Variants in MALRD1 observed in about 807,000 individuals in gnomAD.
MALRD1 encodes the protein MAM and LDL-receptor class A domain-containing protein 1.
MALRD1 carries 247 observed loss-of-function variants against 242.1 expected under a neutral mutation model. The ratio of observed to expected loss-of-function variants is 1.02; its 90% CI spans 0.92 to 1.13. The LOEUF (loss-of-function observed/expected upper bound fraction) is 1.13. Ranked by LOEUF, MALRD1 falls within the 50% of genes most tolerant of loss-of-function variation. The pLI, the probability that MALRD1 is intolerant of heterozygous loss-of-function variation, is 0.00. For synonymous variants in MALRD1, 995 were observed against 866.6 expected (o/e 1.15, Z -2.60); for missense variants, 2,989 against 2,533.1 (o/e 1.18, Z -3.86).
intron 18 of MALRD1, among the ~76,000 whole-genome samples, chr10:19,221,856 G>A (rs980628832): frequency 4.2e-4 from 64 of 151,870 alleles, no homozygotes; most frequent in Admixed American, 3.9e-3. Context: ...TATAACCTAC[G>A]TTGAAAAGAA....
chr10:19,064,322 A>T (rs1016220068), intron 1 of MALRD1, among the ~76,000 whole-genome samples: 1 of 152,206 alleles, frequency 6.6e-6, no homozygotes, highest in Non-Finnish European at 1.5e-5. Context: ...ATTTTATTAC[A>T]GCGGATAGTT....
chr10:19,595,794 A>T (rs1404691057), intron 34 of MALRD1, among the ~76,000 whole-genome samples: 1 of 152,168 alleles, frequency 6.6e-6, no homozygotes, highest in Non-Finnish European at 1.5e-5. Context: ...ATTTCTTCCT[A>T]CCATAAAGGT....
At chr10:19,364,927 G>A (rs975509143) in intron 26 of MALRD1, among the ~76,000 whole-genome samples, 2 of 152,042 alleles carry the variant, frequency 1.3e-5, no homozygotes, top group African/African-American at 4.8e-5. Flanking sequence ...AAAGAATATT[G>A]GGGATTAGCA....
rs930178301 is a variant in MALRD1, at chr10:19,301,429, C to T, written c.3419+18248C>T. Among the ~76,000 whole-genome samples, 4 of 151,864 alleles carry T rather than the reference C, an allele frequency of 2.6e-5. No individual in the cohort carries two copies. The East Asian group carries it at 5.8e-4, about 22-fold the overall frequency. On this transcript the variant is annotated intron_variant, in intron 21 of 39. Transcript: ENST00000454679. ...TGCACTACATGTGTGTTCATGGCAG[C>T]GCTGTTCACAATAACAAAGACATGG...
At chr10:19,378,997 G>T (rs1180966127) in intron 26 of MALRD1, among the ~76,000 whole-genome samples, 1 of 151,986 alleles carries the variant, frequency 6.6e-6, no homozygotes, top group Non-Finnish European at 1.5e-5. Flanking sequence ...TTGTAGGGCT[G>T]TTCACCTTTT....
chr10:19,087,071 T>A (rs1835693461), intron 2 of MALRD1, among the ~76,000 whole-genome samples: 1 of 152,078 alleles, frequency 6.6e-6, no homozygotes, highest in South Asian at 2.1e-4. Context: ...TATCTGTATT[T>A]TACTGTCTGC....
chr10:19,401,578 A>G (rs765646266), intron 28 of MALRD1, among the ~76,000 whole-genome samples: 2 of 152,182 alleles, frequency 1.3e-5, no homozygotes, highest in Non-Finnish European at 1.5e-5. Flanking sequence ...ATTTCAACTT[A>G]GTTGCTAGAT....
intron 33 of MALRD1, among the ~76,000 whole-genome samples, chr10:19,590,342 A>C (rs1227836271): frequency 6.8e-6 from 1 of 147,362 alleles, no homozygotes; most frequent in African/African-American, 2.5e-5. Context: ...ATATATGTAC[A>C]TATTTTATAT....
chr10:19,598,993 A>ATTT lies in MALRD1; in HGVS notation c.5944+3536_5944+3537insTTT, dbSNP rs1430958658. ...AAAAAATATAAATTGGAAAAAGCCA[A>ATTT]AAAAGTGGTTTTTGGGATTTTGGAG... is the stretch of plus-strand genomic sequence containing the variant. On this transcript the variant is annotated intron_variant, in intron 34 of 39. Coordinates refer to ENST00000454679, the MANE Select transcript of MALRD1 (RefSeq NM_001142308.3). 1.9e-3 allele frequency among the ~76,000 whole-genome samples: 289 copies of ATTT among 152,272 alleles called. 2 individuals are homozygous for ATTT. Among genetic ancestry groups the ATTT allele is most frequent in the African/African-American group, 6.7e-3 (278 of 41,544 alleles).
intron 28 of MALRD1, among the ~76,000 whole-genome samples, chr10:19,398,984 G>T (rs1451967783): frequency 6.6e-6 from 1 of 152,196 alleles, no homozygotes; most frequent in Non-Finnish European, 1.5e-5. Context: ...GGCTGCTCGT[G>T]AATTAATATA....
intron 21 of MALRD1, among the ~76,000 whole-genome samples, chr10:19,320,274 T>C (rs533008734): frequency 1.3e-5 from 2 of 152,058 alleles, no homozygotes; most frequent in Admixed American, 1.3e-4. Flanking sequence ...CCTGTGTCCA[T>C]GTGTTCTCAT....
intron 17 of MALRD1, among the ~76,000 whole-genome samples, chr10:19,205,657 C>A (rs16918351): frequency 0.016 from 2,458 of 152,012 alleles, 68 homozygotes; most frequent in African/African-American, 0.056. Flanking sequence ...TAGATCAGAT[C>A]TAAAAAAATC....
chr10:19,557,461 A>G (rs1010780953), intron 32 of MALRD1, among the ~76,000 whole-genome samples: 2 of 151,742 alleles, frequency 1.3e-5, no homozygotes, highest in Non-Finnish European at 2.9e-5. Flanking sequence ...AATTTTGGTA[A>G]CACATGTATA....
At chr10:19,354,335 G>T (rs972392232) in intron 26 of MALRD1, among the ~76,000 whole-genome samples, 15 of 151,986 alleles carry the variant, frequency 9.9e-5, no homozygotes, top group Admixed American at 3.3e-4. Flanking sequence ...TTAAAAAATT[G>T]CTCTTAAAAA....
At chr10:19,608,406 T>C (rs879740181) in intron 35 of MALRD1, among the ~76,000 whole-genome samples, 1 of 152,100 alleles carries the variant, frequency 6.6e-6, no homozygotes, top group Non-Finnish European at 1.5e-5. Flanking sequence ...GTATACAGCA[T>C]AGGAACTGAC....
At chr10:19,221,214 A>T (rs1365581929) in intron 18 of MALRD1, among the ~76,000 whole-genome samples, 2 of 152,136 alleles carry the variant, frequency 1.3e-5, no homozygotes, top group African/African-American at 4.8e-5. Flanking sequence ...ACTTCTAGTA[A>T]TAAAATGTTT....
intron 14 of MALRD1, among the ~76,000 whole-genome samples, chr10:19,175,700 A>C (rs1835202636): frequency 6.6e-6 from 1 of 152,066 alleles, no homozygotes. Context: ...AATAATATTC[A>C]TATTTCAGGA....
intron 28 of MALRD1, among the ~76,000 whole-genome samples, chr10:19,440,864 T>C (rs1312181417): frequency 2.0e-5 from 3 of 152,194 alleles, no homozygotes; most frequent in East Asian, 1.9e-4. Flanking sequence ...TACCCAGTAA[T>C]AGGATGGCTG....
At chr10:19,215,907 T>C (rs1837292587) in intron 18 of MALRD1, among the ~76,000 whole-genome samples, 1 of 151,532 alleles carries the variant, frequency 6.6e-6, no homozygotes, top group African/African-American at 2.4e-5. Flanking sequence ...TTTGCATAGT[T>C]TTTTTTCATA....
Sources: gnomAD v4.1 joint callset for allele counts (sites outside exome capture counted in the v4.1 genomes callset) on GRCh38, gnomAD v4.1.1 for gene constraint, MANE v1.5 for transcripts, NCBI Gene and HGNC (gene_info 2026-07-23, HGNC 2026-07-21) for gene names.